GSTA5: variants seen among roughly 807,000 people sequenced by gnomAD.
GSTA5 encodes the protein glutathione S-transferase alpha 5, also known as glutathione S-transferase A5.
In GSTA5, 25 loss-of-function variants were observed where a neutral mutation model predicts 21.8. The observed-to-expected ratio is 1.14, with a 90% CI of 0.83 to 1.60. The LOEUF is 1.60. Ranked by LOEUF, GSTA5 falls within the 40% of genes most tolerant of loss-of-function variation. The probability of loss-of-function intolerance (pLI) is 0.00; values close to 1 mark genes in which losing one functional copy is unlikely to be tolerated. For synonymous variants in GSTA5, 102 were observed against 89.5 expected (o/e 1.14, Z -0.78); for missense variants, 330 against 259.2 (o/e 1.27, Z -1.88).
In GSTA5 at chr6:52,832,738, C is replaced by T. The variant is rs868172613; in HGVS notation, c.546+121G>A. The stretch of plus-strand genomic sequence containing the variant: ...GAGCCTGGAAGCTCATTTTGGAGAC[C>T]TTGGGGGCACTGAAGGGCTGGAGAA... On this transcript the variant is annotated intron_variant, in intron 5 of 5. Coordinates refer to ENST00000370989, the Ensembl canonical transcript of GSTA5. 6.3e-5 allele frequency: 96 copies of T among 1,513,558 alleles called. 1 individual carries two copies. The Middle Eastern group carries it at 5.4e-3, about 86-fold the overall frequency. 93.8% of individuals were successfully genotyped at this position (1,513,558 alleles called of 1,614,324 possible). A position where few individuals can be genotyped will look rare whatever the true frequency, so the allele number is the denominator to read the frequency against.
upstream of GSTA5, among the ~76,000 whole-genome samples, chr6:52,842,953 C>G (rs1473324502): frequency 3.3e-5 from 5 of 152,096 alleles, no homozygotes; most frequent in Non-Finnish European, 2.9e-5. Context: ...TCCCTGTGAC[C>G]ATGTGTTCTC....
chr6:52,837,415 A>G (rs1362947536), intron 2 of GSTA5, 143 bp downstream of exon 2: 1 of 525,942 alleles, frequency 1.9e-6, no homozygotes, highest in African/African-American at 2.0e-5. Context: ...AAGGAGCCAC[A>G]TCCCTTCCAT....
At chr6:52,835,307 T>C (rs1764275861) in intron 3 of GSTA5, among the ~76,000 whole-genome samples, 1 of 152,220 alleles carries the variant, frequency 6.6e-6, no homozygotes, top group South Asian at 2.1e-4. Flanking sequence ...TTATGTAACA[T>C]GTCTTTATTG....
the GSTA5 span, chr6:52,846,070 T>A: frequency 1.3e-5 from 2 of 158,158 alleles, no homozygotes; most frequent in African/African-American, 4.8e-5. Flanking sequence ...TTTGTTAAAC[T>A]CTGTCACTGT....
At chr6:52,840,952 G>C (rs1352955967), upstream of GSTA5, 3 of 712,992 alleles carry the variant, frequency 4.2e-6, no homozygotes, top group African/African-American at 1.8e-5. Context: ...CTTCATGACT[G>C]GGTTGAAGGA....
upstream of GSTA5, chr6:52,840,871 G>C (rs910216378): frequency 1.0e-5 from 15 of 1,460,170 alleles, no homozygotes; most frequent in African/African-American, 1.8e-4. Flanking sequence ...TAATTGAAAC[G>C]ATAGAATCAA....
chr6:52,842,837 G>A (rs1489726018), upstream of GSTA5, among the ~76,000 whole-genome samples: 1 of 152,096 alleles, frequency 6.6e-6, no homozygotes, highest in African/African-American at 2.4e-5. Flanking sequence ...ATGCCATGCT[G>A]GTTTGCTGCA....
intron 3 of GSTA5, among the ~76,000 whole-genome samples, chr6:52,835,002 C>T (rs1764272653): frequency 6.6e-6 from 1 of 152,134 alleles, no homozygotes; most frequent in Non-Finnish European, 1.5e-5. Context: ...AAAACAAGAC[C>T]TTTATTGACG....
At chr6:52,837,240 G>T (rs752978118) in intron 2 of GSTA5, among the ~76,000 whole-genome samples, 29 of 152,146 alleles carry the variant, frequency 1.9e-4, no homozygotes, top group Non-Finnish European at 2.6e-4. Flanking sequence ...GTGCTTGGAT[G>T]GGGAGGGCTC....
At chr6:52,834,167 T>G in exon 4 of GSTA5, 1 of 1,614,140 alleles carries the variant, frequency 6.2e-7, no homozygotes, top group South Asian at 1.1e-5. Context: ...AAGTAGCGAT[T>G]TTTTATTTTC....
At chr6:52,834,275 T>C in exon 4 of GSTA5, 1 of 1,608,238 alleles carries the variant, frequency 6.2e-7, no homozygotes, top group Non-Finnish European at 8.5e-7. Flanking sequence ...TCTGTGTACA[T>C]ATCAATCCTG....
upstream of GSTA5, among the ~76,000 whole-genome samples, chr6:52,842,937 T>C (rs182430125): frequency 1.6e-3 from 248 of 152,284 alleles, 1 homozygote; most frequent in African/African-American, 5.7e-3. Context: ...GTGTGTGATG[T>C]TACCCTCCCT....
intron 4 of GSTA5, among the ~76,000 whole-genome samples, chr6:52,833,390 A>T (rs1368984520): frequency 2.0e-5 from 3 of 151,726 alleles, no homozygotes; most frequent in Non-Finnish European, 4.4e-5. Flanking sequence ...TTGGGCAGTG[A>T]CTCCACCTTC....
upstream of GSTA5, among the ~76,000 whole-genome samples, chr6:52,845,636 C>A (rs981384683): frequency 3.3e-5 from 5 of 152,120 alleles, no homozygotes; most frequent in African/African-American, 4.8e-5. Flanking sequence ...TTATAATAAA[C>A]CTTAGTTTTG....
At position 52,831,870 on chromosome 6, in the gene GSTA5, GC is replaced by G; in HGVS notation, c.646del (p.Ala216GlnfsTer50). Reference sequence around the variant, plus strand: ...TTATTAAAACCTGAAAATCTTCCTTGCTTCTTCTAAAGATTTCTCATCCATG... The same window carrying G: ...TTATTAAAACCTGAAAATCTTCCTTGTTCTTCTAAAGATTTCTCATCCATG... On this transcript the variant is annotated frameshift_variant, in exon 6 of 6. Transcript: ENST00000370989. LOFTEE classifies it high-confidence loss of function. The G allele has an allele frequency of 6.2e-7, 1 of 1,614,038 alleles. No homozygotes were observed. The highest frequency in any genetic ancestry group is 8.5e-7 in the Non-Finnish European group (1 of 1,180,000).
chr6:52,836,015 C>T (rs1764286957), intron 3 of GSTA5, among the ~76,000 whole-genome samples: 1 of 152,152 alleles, frequency 6.6e-6, no homozygotes, highest in Non-Finnish European at 1.5e-5. Context: ...GTTGCAGGAT[C>T]CATGGACTGC....
chr6:52,844,950 A>C (rs1764433234), upstream of GSTA5, among the ~76,000 whole-genome samples: 1 of 152,026 alleles, frequency 6.6e-6, no homozygotes, highest in East Asian at 1.9e-4. Context: ...AGTATGTATT[A>C]TTTTATCTAT....
At chr6:52,843,841 T>A (rs1283423692), upstream of GSTA5, among the ~76,000 whole-genome samples, 7 of 152,214 alleles carry the variant, frequency 4.6e-5, no homozygotes, top group African/African-American at 9.6e-5. Flanking sequence ...TGATTGAGAA[T>A]CATGTTTCAA....
In GSTA5 at chr6:52,837,619, G is replaced by A. The variant is rs189101488; in HGVS notation, c.88-10C>T. ...GAAATTTCTCTTCCAACTGGAAGCA[G>A]AAACAGTAAATGGGTTCTTCTTAGT... On this transcript the variant is annotated splice_polypyrimidine_tract_variant and intron_variant, in intron 1 of 5. Coordinates refer to ENST00000370989, the Ensembl canonical transcript of GSTA5. 7.6e-5 allele frequency: 122 copies of A among 1,598,638 alleles called. 2 individuals are homozygous for A. In the East Asian group the frequency reaches 2.6e-3, roughly 35 times the overall value.
Sources: gnomAD v4.1 joint callset for allele counts (sites outside exome capture counted in the v4.1 genomes callset) on GRCh38, gnomAD v4.1.1 for gene constraint, MANE v1.5 for transcripts, NCBI Gene and HGNC (gene_info 2026-07-23, HGNC 2026-07-21) for gene names.